MAST2: variants seen among roughly 807,000 people sequenced by gnomAD.
The protein encoded by MAST2 is microtubule-associated serine/threonine-protein kinase 2.
A neutral mutation model predicts 147.4 loss-of-function variants in MAST2; 70 were observed. That is an observed-to-expected ratio of 0.47 (90% confidence interval 0.39 to 0.58). The LOEUF (loss-of-function observed/expected upper bound fraction) is 0.58, where lower values mean the gene tolerates loss of function less well. Ranked by LOEUF, MAST2 falls within the 20% of genes least tolerant of loss-of-function variation. The pLI is 0.00. For missense variants in MAST2, 2,080 were observed against 2,302.3 expected, an observed-to-expected ratio of 0.90 and a Z score of 1.98; for synonymous variants, 869 against 896.8, an observed-to-expected ratio of 0.97 and a Z score of 0.55.
At chr1:45,984,423 C>T (rs879726171) in intron 5 of MAST2, among the ~76,000 whole-genome samples, 2 of 151,878 alleles carry the variant, frequency 1.3e-5, no homozygotes, top group Non-Finnish European at 2.9e-5. Flanking sequence ...CCACCTCAGC[C>T]TCCCAACTAA....
chr1:45,964,116 G>A (rs1660825246), intron 5 of MAST2, among the ~76,000 whole-genome samples: 1 of 152,182 alleles, frequency 6.6e-6, no homozygotes, highest in Admixed American at 6.5e-5. Flanking sequence ...GATTCAGTTT[G>A]CCAGTATTTT....
At chr1:45,967,722 C>T (rs1661442918) in intron 5 of MAST2, among the ~76,000 whole-genome samples, 1 of 152,064 alleles carries the variant, frequency 6.6e-6, no homozygotes. Context: ...AGGCATACAA[C>T]TTTTACTGAA....
In MAST2 at chr1:46,035,975, A is replaced by G; in HGVS notation, c.5306A>G (p.Glu1769Gly). 1 of 1,613,950 alleles carries G rather than the reference A, an allele frequency of 6.2e-7. No homozygotes were observed. Among genetic ancestry groups the G allele is most frequent in the Non-Finnish European group, 8.5e-7 (1 of 1,180,042 alleles). The change falls in exon 29 of 29, where the codon GAG (glutamate) becomes GGG (glycine). Residue 1769 changes from glutamate to glycine, a missense_variant. Glu to Gly is a moderately conservative substitution (Grantham distance 98, BLOSUM62 -2). Transcript: ENST00000361297. The surrounding 1 kb of genome is among the most constrained non-coding windows in gnomAD (Gnocchi z 5.5). ...CRGCPLTQKS[E>G]PSLRRGQEPG... ...GGCTGCCCCCTCACCCAGAAGTCTG[A>G]GCCCAGCCTCAGGAGGGGCCAAGAA... is the stretch of plus-strand genomic sequence containing the variant.
intron 3 of MAST2, among the ~76,000 whole-genome samples, chr1:45,834,212 C>T (rs1645039200): frequency 6.6e-6 from 1 of 152,030 alleles, no homozygotes; most frequent in African/African-American, 2.4e-5. Flanking sequence ...AATAAAACAT[C>T]ACATTTAAAT....
At position 45,805,448 on chromosome 1, in the gene MAST2, C is replaced by T. The variant is rs553314851; in HGVS notation, c.177+1376C>T. The stretch of plus-strand genomic sequence containing the variant: ...ACTGCACCATTGACCATCTCTGCCC[C>T]GCTTCTAGCTGCTGAGCATTGTCCT... On this transcript the variant is annotated intron_variant, in intron 1 of 28. Coordinates refer to ENST00000361297, the MANE Select transcript of MAST2 (RefSeq NM_015112.3). Among the ~76,000 whole-genome samples, 10 of 152,052 alleles carry T rather than the reference C, an allele frequency of 6.6e-5. No homozygotes were observed. The South Asian group carries it at 1.9e-3, about 28-fold the overall frequency.
intron 5 of MAST2, among the ~76,000 whole-genome samples, chr1:45,970,466 C>T (rs1394246332): frequency 6.6e-6 from 1 of 151,946 alleles, no homozygotes; most frequent in Non-Finnish European, 1.5e-5. Context: ...AGTTCGAGAC[C>T]ATCCTGGCTA....
At chr1:46,004,639 G>A (rs566920584) in intron 7 of MAST2, among the ~76,000 whole-genome samples, 136 of 152,242 alleles carry the variant, frequency 8.9e-4, no homozygotes, top group Non-Finnish European at 1.2e-3. Flanking sequence ...CATCTCACTC[G>A]CTGTTTATAA....
At position 45,828,918 on chromosome 1, in the gene MAST2, T is replaced by A. The variant is rs548449684; in HGVS notation, c.326-521T>A. Among the ~76,000 whole-genome samples the A allele has an allele frequency of 8.6e-5, 13 of 151,518 alleles. No homozygotes were observed. In the East Asian group the frequency reaches 2.5e-3, roughly 29 times the overall value. ...CAGCCTGGGCGACAGTGAGTGACAC[T>A]CTGTCTCAAAAAAAAAAAAGCCAAA... On this transcript the variant is annotated intron_variant, in intron 2 of 28. Transcript: ENST00000361297.
chr1:45,912,157 G>C (rs1006537314), intron 4 of MAST2, among the ~76,000 whole-genome samples: 2 of 152,108 alleles, frequency 1.3e-5, no homozygotes, highest in African/African-American at 4.8e-5. Flanking sequence ...AGGGTGCTGA[G>C]AGGGCTGAAT....
intron 1 of MAST2, among the ~76,000 whole-genome samples, chr1:45,806,777 A>C (rs1286909077): frequency 1.3e-5 from 2 of 152,046 alleles, no homozygotes; most frequent in Non-Finnish European, 2.9e-5. Context: ...GGGTTTCACC[A>C]TGTTGGCCAG....
intron 28 of MAST2, 77 bp from the exon 29 acceptor site, chr1:46,034,450 GGGCTAAGCCCT>G: frequency 3.2e-5 from 46 of 1,420,488 alleles, no homozygotes; most frequent in Non-Finnish European, 4.4e-5. Flanking sequence ...GGACATAACA[GGGCTAAGCCCT>G]GTCTTGCCCT....
chr1:45,835,592 G>T, intron 3 of MAST2, among the ~76,000 whole-genome samples: 1 of 150,732 alleles, frequency 6.6e-6, no homozygotes, highest in Middle Eastern at 3.4e-3. Context: ...ATTGAATTTT[G>T]TTGAGATGAG....
intron 4 of MAST2, among the ~76,000 whole-genome samples, chr1:45,891,179 C>T (rs1176677677): frequency 6.6e-6 from 1 of 152,114 alleles, no homozygotes; most frequent in East Asian, 1.9e-4. Flanking sequence ...CAGAATTGAT[C>T]AGCATGTCTA....
At chr1:46,010,442 C>T (rs1402615512) in intron 9 of MAST2, among the ~76,000 whole-genome samples, 1 of 152,138 alleles carries the variant, frequency 6.6e-6, no homozygotes, top group South Asian at 2.1e-4. Flanking sequence ...AGGAAGATAG[C>T]AAACACCTGT....
chr1:45,915,969 CTTAAAA>C (rs1313543767), intron 4 of MAST2, among the ~76,000 whole-genome samples: 2 of 152,076 alleles, frequency 1.3e-5, no homozygotes, highest in Non-Finnish European at 2.9e-5. Context: ...GAGAAATTAA[CTTAAAA>C]TTAACATTTT....
chr1:45,854,905 G>A (rs962809037), intron 3 of MAST2, among the ~76,000 whole-genome samples: 2 of 152,116 alleles, frequency 1.3e-5, no homozygotes, highest in African/African-American at 4.8e-5. Context: ...GCTATAAATT[G>A]GATACAGATG....
chr1:46,035,494 G>A lies in MAST2; in HGVS notation c.4825G>A (p.Asp1609Asn). ...GPNLGQSGATDPIPPEGCWKA... is the reference protein window; with the variant it reads ...GPNLGQSGATNPIPPEGCWKA... ...CAACCTAGGTCAGTCTGGAGCCACA[G>A]ACCCCATCCCTCCTGAAGGTTGCTG... is the stretch of plus-strand genomic sequence containing the variant. Residue 1609 changes from aspartate to asparagine, a missense_variant, in exon 29 of 29, where the codon GAC becomes AAC. Asp to Asn is a conservative substitution (Grantham distance 23). Transcript: ENST00000361297. The surrounding 1 kb of genome is among the most constrained non-coding windows in gnomAD (Gnocchi z 5.5). The A allele has an allele frequency of 6.2e-7, 1 of 1,613,240 alleles. No homozygotes were observed. Among genetic ancestry groups the A allele is most frequent in the Non-Finnish European group, 8.5e-7 (1 of 1,179,982 alleles).
Position 46,034,979 on chromosome 1 carries a change from T to A in MAST2, c.4310T>A (p.Leu1437Gln). 1 of 1,613,916 alleles carries A rather than the reference T, an allele frequency of 6.2e-7. No homozygotes were observed. The change falls in exon 29 of 29, where the codon CTA (leucine) becomes CAA (glutamine). Residue 1437 changes from leucine (L) to glutamine (Q), a missense_variant. Physicochemically the swap from Leu to Gln is moderately radical, Grantham distance 113. Coordinates refer to ENST00000361297, the MANE Select transcript of MAST2 (RefSeq NM_015112.3). ...KHSLDLPHSE[L>Q]KKELPPREVS... ...AGCCTTGACCTGCCCCACTCTGAAC[T>A]AAAGAAGGAACTGCCGCCCAGGGAA...
chr1:45,957,747 T>C (rs1341192845), intron 4 of MAST2, among the ~76,000 whole-genome samples: 1 of 152,154 alleles, frequency 6.6e-6, no homozygotes, highest in Non-Finnish European at 1.5e-5. Context: ...CTCTGGTAAA[T>C]GTGCTAAGAT....
Sources: gnomAD v4.1 joint callset for allele counts (sites outside exome capture counted in the v4.1 genomes callset) on GRCh38, gnomAD v4.1.1 for gene constraint, Gnocchi (gnomAD v3.1) non-coding constraint, MANE v1.5 for transcripts, NCBI Gene and HGNC (gene_info 2026-07-23, HGNC 2026-07-21) for gene names.